RIMS2: variants seen among roughly 807,000 people sequenced by gnomAD.
RIMS2 encodes regulating synaptic membrane exocytosis protein 2.
Under a neutral mutation model 174.4 loss-of-function variants are expected in RIMS2, and 59 were observed. The ratio of observed to expected loss-of-function variants is 0.34; its 90% CI spans 0.27 to 0.42. RIMS2 has a LOEUF of 0.42. RIMS2 is among the 10% of genes least tolerant of loss of function. The pLI is 1.00. For synonymous variants in RIMS2, 606 were observed against 572.5 expected (o/e 1.06, Z -0.84); for missense variants, 1,620 against 1,666.3 (o/e 0.97, Z 0.48).
chr8:103,808,774 T>G (rs2098667426), intron 3 of RIMS2, among the ~76,000 whole-genome samples: 1 of 152,136 alleles, frequency 6.6e-6, no homozygotes, highest in Non-Finnish European at 1.5e-5. Flanking sequence ...TATTCTTTTT[T>G]CTCTATCTTG....
chr8:103,506,225 T>C (rs941144953), intron 1 of RIMS2, among the ~76,000 whole-genome samples: 3 of 152,132 alleles, frequency 2.0e-5, no homozygotes, highest in Admixed American at 6.5e-5. Flanking sequence ...AATTGACTTA[T>C]ATTTTATGAA....
intron 19 of RIMS2, among the ~76,000 whole-genome samples, chr8:104,061,652 A>G (rs1341497276): frequency 1.3e-5 from 2 of 149,792 alleles, no homozygotes; most frequent in Admixed American, 6.7e-5. Flanking sequence ...TTATATTTAA[A>G]ATTGTTCTAA....
intron 3 of RIMS2, among the ~76,000 whole-genome samples, chr8:103,816,182 A>G (rs143854417): frequency 1.3e-5 from 2 of 152,308 alleles, no homozygotes; most frequent in East Asian, 3.9e-4. Flanking sequence ...TTGATTGCAA[A>G]TATTGGTTAC....
chr8:104,047,959 C>G (rs937066773), intron 19 of RIMS2, among the ~76,000 whole-genome samples: 1 of 152,036 alleles, frequency 6.6e-6, no homozygotes, highest in African/African-American at 2.4e-5. Flanking sequence ...CTTAACACTT[C>G]TTATTAATCT....
chr8:103,890,080 C>T (rs536390486), intron 4 of RIMS2, among the ~76,000 whole-genome samples: 3 of 151,962 alleles, frequency 2.0e-5, no homozygotes, highest in Non-Finnish European at 4.4e-5. Context: ...ACACAATACT[C>T]ATCATACAGT....
intron 16 of RIMS2, among the ~76,000 whole-genome samples, chr8:103,987,508 G>T (rs772758628): frequency 1.3e-5 from 2 of 152,006 alleles, no homozygotes; most frequent in Non-Finnish European, 2.9e-5. Context: ...CTTCATAAAG[G>T]CTTAATAAAG....
At position 104,079,450 on chromosome 8, in the gene RIMS2, A is replaced by G. The variant is rs917967532; in HGVS notation, c.3334+64835A>G. Among the ~76,000 whole-genome samples, 3 of 151,852 alleles carry G rather than the reference A, an allele frequency of 2.0e-5. 1 individual carries two copies. The highest frequency in any genetic ancestry group is 4.2e-4 in the South Asian group (2 of 4,808). ...CTTGTTAACAGCTAGAATATTCTAC[A>G]GGGAATGAATTATAGTAGACTACAG... On this transcript the variant is annotated intron_variant, in intron 19 of 23. Transcript: ENST00000504942.
At chr8:103,529,913 A>G (rs1277865824) in intron 1 of RIMS2, among the ~76,000 whole-genome samples, 1 of 152,168 alleles carries the variant, frequency 6.6e-6, no homozygotes, top group Non-Finnish European at 1.5e-5. Context: ...GAATCTGTGG[A>G]TGCAGAACTC....
chr8:103,513,234 T>C (rs562848945), intron 1 of RIMS2, among the ~76,000 whole-genome samples: 3 of 152,314 alleles, frequency 2.0e-5, no homozygotes, highest in African/African-American at 7.2e-5. Flanking sequence ...AGGATTTTTT[T>C]CCCATTTATG....
intron 3 of RIMS2, chr8:103,819,451 G>C (rs2098737540): frequency 6.2e-7 from 1 of 1,600,728 alleles, no homozygotes; most frequent in Admixed American, 1.7e-5. Flanking sequence ...GCAAATAGAT[G>C]ATTTTAAAGA....
intron 12 of RIMS2, among the ~76,000 whole-genome samples, chr8:103,933,486 C>T (rs909992011): frequency 2.6e-5 from 4 of 152,072 alleles, no homozygotes; most frequent in Non-Finnish European, 5.9e-5. Context: ...AAGAATCCAT[C>T]TCAAATAAAA....
At chr8:103,936,842 T>A in intron 13 of RIMS2, 120 bp downstream of exon 15, 5 of 711,932 alleles carry the variant, frequency 7.0e-6, no homozygotes, top group Non-Finnish European at 1.1e-5. Context: ...ATGCCTGTAA[T>A]CTCAGCACTT....
chr8:104,000,787 G>C (rs2095350510), intron 17 of RIMS2, among the ~76,000 whole-genome samples: 1 of 151,700 alleles, frequency 6.6e-6, no homozygotes, highest in Non-Finnish European at 1.5e-5. Flanking sequence ...TTGTGGTTTT[G>C]ATTTGCATTT....
chr8:103,608,660 C>A (rs867597250), intron 1 of RIMS2, among the ~76,000 whole-genome samples: 3 of 149,814 alleles, frequency 2.0e-5, no homozygotes, highest in Non-Finnish European at 3.0e-5. Flanking sequence ...GGGCGTAGGA[C>A]CCTCTGAGCC....
At position 103,835,926 on chromosome 8, in the gene RIMS2, G is replaced by A. The variant is rs563302051; in HGVS notation, c.699-49372G>A. ...ATGACTATTGGTAATGACAAAACAT[G>A]AGCAAGATGTGCAAGGCTTTCTTCA... On this transcript the variant is annotated intron_variant, in intron 3 of 23. Transcript: ENST00000504942. Among the ~76,000 whole-genome samples, 12 of 152,264 alleles carry A rather than the reference G, an allele frequency of 7.9e-5. No individual in the cohort carries two copies. In the East Asian group the frequency reaches 2.1e-3, roughly 27 times the overall value.
chr8:103,631,725 G>A (rs574357302), intron 1 of RIMS2, among the ~76,000 whole-genome samples: 4 of 152,116 alleles, frequency 2.6e-5, no homozygotes, highest in Non-Finnish European at 5.9e-5. Flanking sequence ...GGGTAGTATG[G>A]GCATTTTAAT....
chr8:104,097,683 T>G (rs2097786442), intron 19 of RIMS2, among the ~76,000 whole-genome samples: 1 of 152,140 alleles, frequency 6.6e-6, no homozygotes, highest in Non-Finnish European at 1.5e-5. Flanking sequence ...AAGGTTACTG[T>G]GCATTGTGGC....
intron 1 of RIMS2, among the ~76,000 whole-genome samples, chr8:103,608,312 G>T (rs2095221869): frequency 7.0e-6 from 1 of 143,474 alleles, no homozygotes; most frequent in African/African-American, 2.7e-5. Flanking sequence ...AGGCTGCTCG[G>T]GGGTCAGGGA....
chr8:103,820,328 A>C (rs901267669), intron 3 of RIMS2, among the ~76,000 whole-genome samples: 1 of 151,980 alleles, frequency 6.6e-6, no homozygotes, highest in African/African-American at 2.4e-5. Context: ...TCCTCATTTA[A>C]GTTGTTTGGC....
Sources: allele counts gnomAD v4.1 joint callset (sites outside exome capture counted in the v4.1 genomes callset), GRCh38; gene constraint gnomAD v4.1.1; transcripts MANE v1.5; gene names NCBI Gene and HGNC (gene_info 2026-07-23, HGNC 2026-07-21).